ANTXR1: variants seen among roughly 807,000 people sequenced by gnomAD.
ANTXR1 encodes ANTXR cell adhesion molecule 1.
A neutral mutation model predicts 78.1 loss-of-function variants in ANTXR1; 19 were observed. The observed-to-expected ratio is 0.24, with a 90% confidence interval of 0.17 to 0.36. ANTXR1 has a LOEUF of 0.36. ANTXR1 is among the 10% of genes least tolerant of loss of function. The pLI is 1.00. For synonymous variants in ANTXR1, 273 were observed against 260.5 expected, an observed-to-expected ratio of 1.05 and a Z score of -0.46; for missense variants, 518 against 718.6, an observed-to-expected ratio of 0.72 and a Z score of 3.19.
intron 17 of ANTXR1, among the ~76,000 whole-genome samples, chr2:69,243,364 G>A (rs1452682120): frequency 6.6e-6 from 1 of 152,170 alleles, no homozygotes; most frequent in Non-Finnish European, 1.5e-5. Flanking sequence ...GGGAGGCAAG[G>A]CATTTACAGA....
At chr2:69,075,511 T>C in intron 6 of ANTXR1, 79 bp from the exon 7 acceptor site, 1 of 1,359,868 alleles carries the variant, frequency 7.4e-7, no homozygotes, top group South Asian at 1.2e-5. Flanking sequence ...ACCTCATCAT[T>C]GAAGTTAGTC....
chr2:69,143,281 T>C (rs1025477746), intron 12 of ANTXR1, among the ~76,000 whole-genome samples: 13 of 152,088 alleles, frequency 8.5e-5, no homozygotes, highest in African/African-American at 2.7e-4. Flanking sequence ...ATTTGAGAAG[T>C]ATTTAGATCA....
chr2:69,232,323 G>T (rs574814411), intron 17 of ANTXR1, among the ~76,000 whole-genome samples: 1 of 150,978 alleles, frequency 6.6e-6, no homozygotes, highest in African/African-American at 2.4e-5. Flanking sequence ...CTATAACTTA[G>T]GCCACAAAGA....
At chr2:69,217,267 C>T (rs540199597) in intron 17 of ANTXR1, among the ~76,000 whole-genome samples, 182 of 152,358 alleles carry the variant, frequency 1.2e-3, no homozygotes, top group African/African-American at 4.2e-3. Flanking sequence ...GGCCTCCCAT[C>T]CCTGCTGCTG....
In ANTXR1 at chr2:69,203,996, G is replaced by T. The variant is rs982920911; in HGVS notation, c.1434+10581G>T. On this transcript the variant is annotated intron_variant, in intron 17 of 17. Transcript: ENST00000303714. ...TTCCCTTCCAAACAAAATCAGGATT[G>T]AGGGAGGTAGGGATTAGCTCTAGGG... is the stretch of plus-strand genomic sequence containing the variant. Among the ~76,000 whole-genome samples the T allele has an allele frequency of 2.6e-5, 4 of 152,176 alleles. No homozygotes were observed. In the South Asian group the frequency reaches 8.3e-4, roughly 32 times the overall value.
chr2:69,156,006 A>G (rs755669532), intron 13 of ANTXR1, among the ~76,000 whole-genome samples: 1 of 152,008 alleles, frequency 6.6e-6, no homozygotes, highest in Non-Finnish European at 1.5e-5. Context: ...CTCTGTCCCT[A>G]TACCTACACC....
At chr2:69,176,502 C>T (rs1674122433) in intron 14 of ANTXR1, among the ~76,000 whole-genome samples, 2 of 152,168 alleles carry the variant, frequency 1.3e-5, no homozygotes, top group South Asian at 2.1e-4. Context: ...TTCTGCCCTT[C>T]GAAGCCTCCC....
chr2:69,013,557 A>G lies in ANTXR1; in HGVS notation c.58A>G (p.Thr20Ala), dbSNP rs1490950578. 2 of 1,578,780 alleles carry G rather than the reference A, an allele frequency of 1.3e-6. No homozygotes were observed. Among genetic ancestry groups the G allele is most frequent in the South Asian group, 2.3e-5 (2 of 85,912 alleles). The change falls in exon 1 of 18, where the codon ACT (threonine) becomes GCT (alanine). Residue 20 changes from threonine to alanine, a missense_variant. Coordinates refer to ENST00000303714, the MANE Select transcript of ANTXR1 (RefSeq NM_032208.3). The surrounding 1 kb of genome is among the most constrained non-coding windows in gnomAD (Gnocchi z 5.0). Reference sequence around the variant, plus strand: ...CGGCTTCCAGTGGCTCTCTTTGGCCACTCTGGTGCTCATCTGCGCCGGGCA... The same window carrying G: ...CGGCTTCCAGTGGCTCTCTTTGGCCGCTCTGGTGCTCATCTGCGCCGGGCA... ...GIGFQWLSLATLVLICAGQGG... is the reference protein window; with the variant it reads ...GIGFQWLSLAALVLICAGQGG...
chr2:69,137,665 T>C (rs761028608), intron 12 of ANTXR1, among the ~76,000 whole-genome samples: 5 of 151,932 alleles, frequency 3.3e-5, no homozygotes, highest in African/African-American at 1.2e-4. Flanking sequence ...CTTGTGTGCA[T>C]GTAGTCTCAG....
intron 10 of ANTXR1, among the ~76,000 whole-genome samples, chr2:69,105,092 A>T (rs529165080): frequency 6.6e-6 from 1 of 152,292 alleles, no homozygotes; most frequent in African/African-American, 2.4e-5. Context: ...TCCAAATAAT[A>T]ATAGGAAGAA....
intron 8 of ANTXR1, among the ~76,000 whole-genome samples, chr2:69,083,296 G>A (rs533936286): frequency 1.8e-4 from 28 of 152,292 alleles, no homozygotes; most frequent in African/African-American, 6.3e-4. Context: ...CTTTTCCAGG[G>A]CTAGCAGATG....
chr2:69,028,231 A>C (rs1480958953), intron 1 of ANTXR1, among the ~76,000 whole-genome samples: 2 of 152,234 alleles, frequency 1.3e-5, no homozygotes, highest in African/African-American at 4.8e-5. Context: ...ATGCAGATTA[A>C]GTAGGCTCAC....
intron 17 of ANTXR1, among the ~76,000 whole-genome samples, chr2:69,233,302 G>T (rs1675672891): frequency 6.6e-6 from 1 of 151,876 alleles, no homozygotes; most frequent in South Asian, 2.1e-4. Context: ...ATGAAAAGTA[G>T]CTCACAACAA....
At chr2:69,167,249 C>G (rs1673852558) in intron 13 of ANTXR1, among the ~76,000 whole-genome samples, 1 of 152,190 alleles carries the variant, frequency 6.6e-6, no homozygotes, top group Non-Finnish European at 1.5e-5. Context: ...CCATGGGAAG[C>G]CATTAGCAGG....
rs1670920883 is a variant in ANTXR1, at chr2:69,013,360, T to C, written c.-140T>C. On this transcript the variant is annotated 5_prime_UTR_variant, in exon 1 of 18. Coordinates refer to ENST00000303714, the MANE Select transcript of ANTXR1 (RefSeq NM_032208.3). The surrounding 1 kb of genome is among the most constrained non-coding windows in gnomAD (Gnocchi z 5.0). ...GAAACCTTGAACTCCTCCAGACAAT[T>C]GCTTCCGGGGAGTTGCGAGGGAGCG... is the stretch of plus-strand genomic sequence containing the variant. 2.5e-6 allele frequency: 3 copies of C among 1,194,832 alleles called. No homozygotes were observed. In the East Asian group the frequency reaches 7.6e-5, roughly 30 times the overall value. The allele number at this position is 1,194,832 out of a possible 1,614,324, so 74.0% of individuals were successfully genotyped here. A position where few individuals can be genotyped will look rare whatever the true frequency, so the allele number is the denominator to read the frequency against.
At chr2:69,064,931 GA>G (rs200420731) in intron 3 of ANTXR1, among the ~76,000 whole-genome samples, 2,090 of 151,878 alleles carry the variant, frequency 0.014, 46 homozygotes, top group African/African-American at 0.047. Context: ...TAGAAAAGAA[GA>G]AAAGATTAAA....
At chr2:69,129,478 G>C (rs1420445702) in intron 12 of ANTXR1, among the ~76,000 whole-genome samples, 1 of 152,172 alleles carries the variant, frequency 6.6e-6, no homozygotes, top group Non-Finnish European at 1.5e-5. Flanking sequence ...AATAGGCCGG[G>C]CGTGGTGTCT....
intron 8 of ANTXR1, among the ~76,000 whole-genome samples, chr2:69,082,842 T>C (rs908670808): frequency 8.5e-5 from 13 of 152,220 alleles, no homozygotes; most frequent in African/African-American, 2.7e-4. Flanking sequence ...TAAGCCGACA[T>C]CAGGCTTCCT....
At chr2:69,145,378 A>G (rs532926991) in intron 12 of ANTXR1, 3 of 1,597,238 alleles carry the variant, frequency 1.9e-6, no homozygotes, top group Non-Finnish European at 2.6e-6. Context: ...ATGGAATAGC[A>G]GAGAATACCG....
Sources: allele counts gnomAD v4.1 joint callset (sites outside exome capture counted in the v4.1 genomes callset), GRCh38; gene constraint gnomAD v4.1.1; non-coding constraint Gnocchi (gnomAD v3.1); transcripts MANE v1.5; gene names NCBI Gene and HGNC (gene_info 2026-07-23, HGNC 2026-07-21).